ADARB2: variants seen among roughly 807,000 people sequenced by gnomAD.
The protein encoded by ADARB2 is inactive double-stranded RNA-specific editase B2.
ADARB2 carries 25 observed loss-of-function variants against 62.2 expected under a neutral mutation model. That is an observed-to-expected ratio of 0.40 (90% CI 0.29 to 0.56). The LOEUF is 0.56. Among genes scored for constraint, ADARB2 ranks in the 20% least tolerant of loss-of-function variants. The pLI, the probability that ADARB2 is intolerant of heterozygous loss-of-function variation, is 0.43. For missense variants in ADARB2, 1,071 were observed against 1,077.4 expected, an observed-to-expected ratio of 0.99 and a Z score of 0.08; for synonymous variants, 572 against 500.8, an observed-to-expected ratio of 1.14 and a Z score of -1.90.
chr10:1,220,699 G>A (rs1489625952), intron 6 of ADARB2, among the ~76,000 whole-genome samples: 5 of 152,044 alleles, frequency 3.3e-5, no homozygotes, highest in Non-Finnish European at 5.9e-5. Flanking sequence ...TTCTCCCAAC[G>A]TTTTAACTAT....
intron 1 of ADARB2, among the ~76,000 whole-genome samples, chr10:1,573,572 T>C (rs1243505587): frequency 2.0e-5 from 3 of 152,324 alleles, no homozygotes; most frequent in East Asian, 3.9e-4. Flanking sequence ...AAATGGATCA[T>C]GCAGTGGCCA....
At chr10:1,713,422 A>AG (rs1296476441) in intron 1 of ADARB2, among the ~76,000 whole-genome samples, 1 of 152,206 alleles carries the variant, frequency 6.6e-6, no homozygotes, top group Non-Finnish European at 1.5e-5. Flanking sequence ...TAGGATGGGC[A>AG]GGGGGCGAAG....
At chr10:1,328,133 C>T (rs571597345) in intron 3 of ADARB2, among the ~76,000 whole-genome samples, 1 of 152,350 alleles carries the variant, frequency 6.6e-6, no homozygotes, top group East Asian at 1.9e-4. Flanking sequence ...CGTGGAGAGG[C>T]AGCGCAGGCT....
At chr10:1,409,545 T>C (rs1182572104) in intron 1 of ADARB2, among the ~76,000 whole-genome samples, 2 of 147,534 alleles carry the variant, frequency 1.4e-5, no homozygotes, top group Admixed American at 1.3e-4. Flanking sequence ...GGATTCTCAG[T>C]GGTGCCGAGG....
At chr10:1,662,248 C>T (rs1034498504) in intron 1 of ADARB2, among the ~76,000 whole-genome samples, 3 of 152,174 alleles carry the variant, frequency 2.0e-5, no homozygotes, top group African/African-American at 4.8e-5. Flanking sequence ...GAGGGGAGCC[C>T]GGTCCACGGG....
intron 1 of ADARB2, among the ~76,000 whole-genome samples, chr10:1,483,090 G>A (rs1324271516): frequency 2.0e-5 from 3 of 152,052 alleles, no homozygotes; most frequent in Non-Finnish European, 2.9e-5. Flanking sequence ...CAATGTTCCT[G>A]TACACTGTGT....
At chr10:1,252,276 T>TAC (rs1163747884) in intron 4 of ADARB2, among the ~76,000 whole-genome samples, 2 of 152,206 alleles carry the variant, frequency 1.3e-5, no homozygotes, top group East Asian at 3.8e-4. Context: ...ATAGAAGATA[T>TAC]AGAGAGAAAG....
At chr10:1,321,074 T>C (rs1831790278) in intron 3 of ADARB2, among the ~76,000 whole-genome samples, 1 of 152,212 alleles carries the variant, frequency 6.6e-6, no homozygotes, top group South Asian at 2.1e-4. Flanking sequence ...CCATCTGTCA[T>C]ACTGAGGTAC....
At chr10:1,597,193 TTCAAGTGAAGC>T (rs1362455598) in intron 1 of ADARB2, among the ~76,000 whole-genome samples, 1 of 152,182 alleles carries the variant, frequency 6.6e-6, no homozygotes, top group Non-Finnish European at 1.5e-5. Context: ...AATAAAGCCT[TTCAAGTGAAGC>T]CCTCTGGGTG....
intron 1 of ADARB2, among the ~76,000 whole-genome samples, chr10:1,607,605 C>T (rs1022344355): frequency 1.3e-5 from 2 of 152,184 alleles, no homozygotes; most frequent in East Asian, 1.9e-4. Flanking sequence ...AGGAGCTCTG[C>T]ATCAGTGCCA....
rs113819239 is a variant in ADARB2, at chr10:1,593,268, C to T, written c.100+143783G>A. Among the ~76,000 whole-genome samples, 19 of 107,768 alleles carry T rather than the reference C, an allele frequency of 1.8e-4. 1 individual carries two copies. Among genetic ancestry groups the T allele is most frequent in the African/African-American group, 4.9e-4 (15 of 30,414 alleles). 70.7% of individuals were successfully genotyped at this position (107,768 alleles called of 152,430 possible). On this transcript the variant is annotated intron_variant, in intron 1 of 9. Coordinates refer to ENST00000381312, the MANE Select transcript of ADARB2 (RefSeq NM_018702.4). ...GTCCCCTCTGTCACCCAGCTTCCCT[C>T]ACCCAAGCCACCCTCCATAGGTCTC...
Position 1,262,723 on chromosome 10 carries a change from C to T in ADARB2, c.1192+8232G>A, listed in dbSNP as rs530680778. 1.1e-3 allele frequency among the ~76,000 whole-genome samples: 173 copies of T among 152,188 alleles called. 2 individuals are homozygous for T. Among genetic ancestry groups the T allele is most frequent in the Non-Finnish European group, 2.0e-3 (134 of 68,004 alleles). On this transcript the variant is annotated intron_variant, in intron 4 of 9. Coordinates refer to ENST00000381312, the MANE Select transcript of ADARB2 (RefSeq NM_018702.4). ...TCAACCATTGTGGAAGTCAGTGTGG[C>T]GATTCCTCAGGGATCTAGAACTAGA...
chr10:1,540,483 CGT>C (rs1832403444), intron 1 of ADARB2, among the ~76,000 whole-genome samples: 1 of 142,234 alleles, frequency 7.0e-6, no homozygotes, highest in Non-Finnish European at 1.5e-5. Flanking sequence ...CCCACTCAGA[CGT>C]AGTTCAGACC....
intron 1 of ADARB2, among the ~76,000 whole-genome samples, chr10:1,487,397 T>C (rs1273864732): frequency 6.6e-6 from 1 of 152,218 alleles, no homozygotes; most frequent in Non-Finnish European, 1.5e-5. Context: ...CAAGATAAGC[T>C]CTTGCTGGTC....
At chr10:1,579,308 C>G (rs1833063707) in intron 1 of ADARB2, among the ~76,000 whole-genome samples, 1 of 152,176 alleles carries the variant, frequency 6.6e-6, no homozygotes, top group South Asian at 2.1e-4. Context: ...CCTACGATTG[C>G]CTGCGTTAGA....
Position 1,671,452 on chromosome 10 carries a change from G to C in ADARB2, c.100+65599C>G, listed in dbSNP as rs542852422. On this transcript the variant is annotated intron_variant, in intron 1 of 9. Transcript: ENST00000381312. ...ATCAACCTGGAGATGTTCGGAAGGA[G>C]ACAGCCATCACCACCCGTCACACCT... is the stretch of plus-strand genomic sequence containing the variant. Among the ~76,000 whole-genome samples, 6 of 152,346 alleles carry C rather than the reference G, an allele frequency of 3.9e-5. No homozygotes were observed. The East Asian group carries it at 1.2e-3, about 29-fold the overall frequency.
At chr10:1,574,812 C>T (rs1201375206) in intron 1 of ADARB2, among the ~76,000 whole-genome samples, 3 of 152,082 alleles carry the variant, frequency 2.0e-5, no homozygotes, top group Non-Finnish European at 2.9e-5. Flanking sequence ...ATTCGGGGGA[C>T]ACATACAGCC....
At chr10:1,564,540 C>T (rs11250629) in intron 1 of ADARB2, among the ~76,000 whole-genome samples, 32,317 of 151,734 alleles carry the variant, frequency 0.21, 3,608 homozygotes, top group Non-Finnish European at 0.23. Flanking sequence ...CCAGAATCTA[C>T]AATGAACTCA....
At chr10:1,523,829 C>A (rs946168077) in intron 1 of ADARB2, among the ~76,000 whole-genome samples, 1 of 152,122 alleles carries the variant, frequency 6.6e-6, no homozygotes. Context: ...TCCTTTTAAT[C>A]TCCTATTTTA....
Sources: gnomAD v4.1 joint callset for allele counts (sites outside exome capture counted in the v4.1 genomes callset) on GRCh38, gnomAD v4.1.1 for gene constraint, MANE v1.5 for transcripts, NCBI Gene and HGNC (gene_info 2026-07-23, HGNC 2026-07-21) for gene names.